The following CSMD1 variants were observed in gnomAD, a reference collection of about 807,000 sequenced individuals.
CSMD1 encodes the protein CUB and Sushi multiple domains 1.
A neutral mutation model predicts 417.5 loss-of-function variants in CSMD1; 213 were observed. The observed-to-expected ratio is 0.51, with a 90% CI of 0.46 to 0.57. The LOEUF (loss-of-function observed/expected upper bound fraction) is 0.57. CSMD1 is among the 20% of genes least tolerant of loss of function. The pLI, the probability that CSMD1 is intolerant of heterozygous loss-of-function variation, is 0.00. For missense variants in CSMD1, 6,923 were observed against 4,529.7 expected (o/e 1.53, Z -15.17); for synonymous variants, 2,862 against 1,736.8 (o/e 1.65, Z -16.11).
chr8:3,038,819 TA>T (rs1291062684), intron 50 of CSMD1, among the ~76,000 whole-genome samples: 1 of 152,176 alleles, frequency 6.6e-6, no homozygotes, highest in Non-Finnish European at 1.5e-5. Flanking sequence ...AAGACGACCT[TA>T]AACCTTAATG....
chr8:3,323,336 C>T (rs1806278422), intron 23 of CSMD1, among the ~76,000 whole-genome samples: 2 of 151,774 alleles, frequency 1.3e-5, no homozygotes, highest in Admixed American at 1.3e-4. Context: ...CCAAGTCTTA[C>T]CTCTAAATAA....
chr8:4,566,416 G>A (rs1798609879), intron 2 of CSMD1, among the ~76,000 whole-genome samples: 1 of 152,052 alleles, frequency 6.6e-6, no homozygotes, highest in African/African-American at 2.4e-5. Context: ...CACTTTGGGA[G>A]GCCGAGGTGG....
intron 5 of CSMD1, among the ~76,000 whole-genome samples, chr8:3,911,621 G>T (rs1162654568): frequency 6.6e-6 from 1 of 151,502 alleles, no homozygotes; most frequent in African/African-American, 2.4e-5. Flanking sequence ...CATCCAATTC[G>T]ATTAATAACT....
intron 33 of CSMD1, among the ~76,000 whole-genome samples, chr8:3,197,615 GC>G (rs1796773757): frequency 7.3e-6 from 1 of 137,036 alleles, no homozygotes; most frequent in African/African-American, 2.8e-5. Context: ...ACAGGTGCCC[GC>G]CACCACGCCC....
At chr8:3,769,866 G>C (rs75979867) in intron 5 of CSMD1, among the ~76,000 whole-genome samples, 3 of 152,172 alleles carry the variant, frequency 2.0e-5, no homozygotes, top group African/African-American at 7.2e-5. Context: ...GAAGAAAAAC[G>C]TATGTGTCAG....
At chr8:4,361,372 A>C (rs1801747776) in intron 3 of CSMD1, among the ~76,000 whole-genome samples, 1 of 140,548 alleles carries the variant, frequency 7.1e-6, no homozygotes, top group Non-Finnish European at 1.5e-5. Flanking sequence ...TAATTGATTT[A>C]ATGTAGCCTC....
At chr8:3,076,193 C>A (rs1000069597) in intron 49 of CSMD1, among the ~76,000 whole-genome samples, 2 of 152,188 alleles carry the variant, frequency 1.3e-5, no homozygotes, top group African/African-American at 4.8e-5. Flanking sequence ...CCGGAAGTCC[C>A]ACCGCAGGTG....
intron 3 of CSMD1, among the ~76,000 whole-genome samples, chr8:4,348,900 T>C (rs1304823532): frequency 1.3e-5 from 2 of 152,184 alleles, no homozygotes; most frequent in Non-Finnish European, 2.9e-5. Context: ...GTCATAAGCC[T>C]TTCTCCCTGT....
chr8:4,698,458 T>C (rs1807279453), intron 1 of CSMD1, among the ~76,000 whole-genome samples: 1 of 152,162 alleles, frequency 6.6e-6, no homozygotes, highest in African/African-American at 2.4e-5. Flanking sequence ...CTTTCATGCT[T>C]ATGTTCTCAT....
chr8:3,559,444 C>A (rs1799373486), intron 10 of CSMD1, among the ~76,000 whole-genome samples: 1 of 152,094 alleles, frequency 6.6e-6, no homozygotes, highest in African/African-American at 2.4e-5. Flanking sequence ...GTAACGTTGC[C>A]AAGCAACCTG....
At chr8:4,703,848 C>G (rs1423781441) in intron 1 of CSMD1, among the ~76,000 whole-genome samples, 3 of 152,244 alleles carry the variant, frequency 2.0e-5, no homozygotes, top group African/African-American at 7.2e-5. Flanking sequence ...AGTTCTCTGG[C>G]AGACAATTTT....
chr8:2,938,480 G>A lies in CSMD1; in HGVS notation c.*105C>T. The A allele has an allele frequency of 9.0e-7, 1 of 1,109,442 alleles. No individual in the cohort carries two copies. The highest frequency in any genetic ancestry group is 1.3e-6 in the Non-Finnish European group (1 of 782,912). 68.7% of individuals were successfully genotyped at this position (1,109,442 alleles called of 1,614,324 possible). On this transcript the variant is annotated 3_prime_UTR_variant, in exon 70 of 70. Coordinates refer to ENST00000635120, the MANE Select transcript of CSMD1 (RefSeq NM_033225.6). ...CCAGTAGACAAGGTTGAAGATCGCTGCAGTAAAGCCAGAGTGGAAGGGAGA... is the reference window on the plus strand; with the variant it reads ...CCAGTAGACAAGGTTGAAGATCGCTACAGTAAAGCCAGAGTGGAAGGGAGA...
At chr8:4,632,514 G>T (rs567945416) in intron 2 of CSMD1, among the ~76,000 whole-genome samples, 103 of 151,958 alleles carry the variant, frequency 6.8e-4, no homozygotes, top group African/African-American at 2.1e-3. Flanking sequence ...CTCCATCATG[G>T]GGGTAGGGGG....
At chr8:4,977,632 C>T (rs567407367) in intron 1 of CSMD1, among the ~76,000 whole-genome samples, 1 of 152,298 alleles carries the variant, frequency 6.6e-6, no homozygotes, top group East Asian at 1.9e-4. Context: ...ACAGCTGCTG[C>T]CTTACCCCAC....
chr8:4,200,147 A>G (rs377087103), intron 3 of CSMD1, among the ~76,000 whole-genome samples: 1 of 152,228 alleles, frequency 6.6e-6, no homozygotes, highest in Non-Finnish European at 1.5e-5. Context: ...TTAACATTAT[A>G]GTCTGAAATT....
chr8:4,913,000 G>C (rs183723733), intron 1 of CSMD1, among the ~76,000 whole-genome samples: 79 of 152,238 alleles, frequency 5.2e-4, no homozygotes, highest in African/African-American at 1.7e-3. Flanking sequence ...TGTTGGCCAG[G>C]ATAGTCTCGA....
chr8:3,153,850 G>C (rs563322440), intron 39 of CSMD1, among the ~76,000 whole-genome samples: 1 of 152,182 alleles, frequency 6.6e-6, no homozygotes, highest in African/African-American at 2.4e-5. Context: ...AATTACTTGA[G>C]AGCTTAGTTA....
chr8:3,728,347 G>A (rs555508794), intron 6 of CSMD1, among the ~76,000 whole-genome samples: 1 of 152,272 alleles, frequency 6.6e-6, no homozygotes, highest in South Asian at 2.1e-4. Context: ...GGAACTGGGA[G>A]TCCATTAAAC....
chr8:3,617,217 A>C (rs896507040), intron 7 of CSMD1, among the ~76,000 whole-genome samples: 2 of 152,216 alleles, frequency 1.3e-5, no homozygotes, highest in African/African-American at 4.8e-5. Context: ...CTTCTATACA[A>C]AAGATACTTT....
Sources: gnomAD v4.1 joint callset for allele counts (sites outside exome capture counted in the v4.1 genomes callset) on GRCh38, gnomAD v4.1.1 for gene constraint, MANE v1.5 for transcripts, NCBI Gene and HGNC (gene_info 2026-07-23, HGNC 2026-07-21) for gene names.